COTL1: variants seen among roughly 807,000 people sequenced by gnomAD.
The protein encoded by COTL1 is coactosin-like protein.
A neutral mutation model predicts 16.5 loss-of-function variants in COTL1; 15 were observed. The ratio of observed to expected loss-of-function variants is 0.91; its 90% CI spans 0.61 to 1.40. The LOEUF (loss-of-function observed/expected upper bound fraction) is 1.40, where lower values mean the gene tolerates loss of function less well. COTL1 is among the 40% of genes most tolerant of loss of function. COTL1 has a pLI of 0.00. For missense variants in COTL1, 220 were observed against 201.5 expected, an observed-to-expected ratio of 1.09 and a Z score of -0.56; for synonymous variants, 112 against 85.3, an observed-to-expected ratio of 1.31 and a Z score of -1.73.
chr16:84,617,814 T>G, intron 1 of COTL1, 24 bp downstream of exon 1: 1 of 1,560,136 alleles, frequency 6.4e-7, no homozygotes, highest in Admixed American at 1.9e-5. Flanking sequence ...GAGCGGGGCG[T>G]GGAGACGAAT....
At chr16:84,593,415 C>T (rs1904919232) in intron 2 of COTL1, among the ~76,000 whole-genome samples, 1 of 152,178 alleles carries the variant, frequency 6.6e-6, no homozygotes, top group South Asian at 2.1e-4. Context: ...GGGGACTGTG[C>T]CTGAATTCCC....
Position 84,583,482 on chromosome 16 carries a change from G to C in COTL1, c.318+6623C>G, listed in dbSNP as rs547648357. ...TATTTATTTACTTATTTTTGAGACA[G>C]GGTTTTCCTCTGTCACCCAGGCTGG... On this transcript the variant is annotated intron_variant, in intron 3 of 3. Transcript: ENST00000262428. 4.6e-5 allele frequency among the ~76,000 whole-genome samples: 7 copies of C among 152,284 alleles called. No homozygotes were observed. The East Asian group carries it at 1.4e-3, about 29-fold the overall frequency.
At chr16:84,573,890 C>A (rs889884605) in intron 3 of COTL1, among the ~76,000 whole-genome samples, 1 of 152,008 alleles carries the variant, frequency 6.6e-6, no homozygotes, top group African/African-American at 2.4e-5. Flanking sequence ...CGCTGTGGCT[C>A]ACGCCGGTAA....
intron 3 of COTL1, among the ~76,000 whole-genome samples, chr16:84,578,068 C>A (rs1004407032): frequency 2.6e-5 from 4 of 152,158 alleles, no homozygotes; most frequent in Non-Finnish European, 5.9e-5. Flanking sequence ...CAGGAGACAT[C>A]ACAAATTAAT....
intron 2 of COTL1, among the ~76,000 whole-genome samples, chr16:84,591,288 A>G (rs2150688231): frequency 6.7e-6 from 1 of 150,176 alleles, no homozygotes; most frequent in East Asian, 2.0e-4. Context: ...GGTTCACACC[A>G]TTCTCCTGCC....
chr16:84,611,083 C>T (rs151275708), intron 2 of COTL1, among the ~76,000 whole-genome samples: 1 of 152,336 alleles, frequency 6.6e-6, no homozygotes, highest in Non-Finnish European at 1.5e-5. Context: ...TACATGCAAT[C>T]ATTATCCCCA....
At chr16:84,568,700 C>T (rs1161449503) in intron 3 of COTL1, 1 of 152,168 alleles carries the variant, frequency 6.6e-6, no homozygotes, top group African/African-American at 2.4e-5. Flanking sequence ...AATGGGTGCA[C>T]AACTCCACAA....
chr16:84,602,553 G>C lies in COTL1; in HGVS notation c.161-12291C>G, dbSNP rs141946109. 1.4e-4 allele frequency among the ~76,000 whole-genome samples: 21 copies of C among 151,904 alleles called. No individual in the cohort carries two copies. In the East Asian group the frequency reaches 4.1e-3, roughly 30 times the overall value. On this transcript the variant is annotated intron_variant, in intron 2 of 3. Coordinates refer to ENST00000262428, the MANE Select transcript of COTL1 (RefSeq NM_021149.5). ...AACTGATTTGTTTTGACAAATTTGT[G>C]GTTTAATAAAAGCACATGTGGCCAG...
chr16:84,616,477 T>G (rs1458985627), intron 2 of COTL1: 1 of 151,214 alleles, frequency 6.6e-6, no homozygotes, highest in Non-Finnish European at 1.5e-5. Flanking sequence ...CACTCCAGCC[T>G]GGGCAAAAGA....
intron 3 of COTL1, among the ~76,000 whole-genome samples, chr16:84,571,830 C>T (rs575453223): frequency 3.3e-5 from 5 of 152,304 alleles, no homozygotes; most frequent in Admixed American, 6.5e-5. Flanking sequence ...GAGTGGACAC[C>T]GAGCCGCTCC....
chr16:84,599,692 G>A (rs926662551), intron 2 of COTL1, among the ~76,000 whole-genome samples: 1 of 152,212 alleles, frequency 6.6e-6, no homozygotes, highest in Non-Finnish European at 1.5e-5. Flanking sequence ...AGAGCGGCAA[G>A]ATTGCAGCTC....
intron 2 of COTL1, among the ~76,000 whole-genome samples, chr16:84,612,620 T>C (rs1208083868): frequency 2.0e-5 from 3 of 152,044 alleles, no homozygotes; most frequent in Admixed American, 6.6e-5. Flanking sequence ...CCGTCTCTAC[T>C]AAAAATACAA....
At chr16:84,608,450 G>C (rs1259970932) in intron 2 of COTL1, among the ~76,000 whole-genome samples, 2 of 152,156 alleles carry the variant, frequency 1.3e-5, no homozygotes, top group South Asian at 2.1e-4. Flanking sequence ...GACTGAAAGA[G>C]CTACCACAAA....
At chr16:84,591,747 C>T (rs1172589818) in intron 2 of COTL1, among the ~76,000 whole-genome samples, 1 of 149,572 alleles carries the variant, frequency 6.7e-6, no homozygotes, top group African/African-American at 2.5e-5. Context: ...CACTTGAGCC[C>T]AGGAGGTTGA....
intron 2 of COTL1, among the ~76,000 whole-genome samples, chr16:84,607,991 C>A (rs531386230): frequency 5.9e-4 from 90 of 152,156 alleles, no homozygotes; most frequent in Non-Finnish European, 1.2e-3. Flanking sequence ...AGTCTAGCCA[C>A]GCAGAAGCAG....
chr16:84,578,877 G>A (rs956736454), intron 3 of COTL1, among the ~76,000 whole-genome samples: 1 of 151,138 alleles, frequency 6.6e-6, no homozygotes, highest in East Asian at 1.9e-4. Context: ...ATGCAGGCAT[G>A]CATACACACA....
At chr16:84,614,660 C>G (rs1254868389) in intron 2 of COTL1, among the ~76,000 whole-genome samples, 1 of 152,110 alleles carries the variant, frequency 6.6e-6, no homozygotes, top group East Asian at 1.9e-4. Context: ...CTGTTTCTGG[C>G]CTTCCAAGTC....
rs1036451669 is a variant in COTL1, at chr16:84,614,544, G to A, written c.160+2957C>T. On this transcript the variant is annotated intron_variant, in intron 2 of 3. Transcript: ENST00000262428. ...GCCTGAGGTGGGAGGGCCAGGGAAG[G>A]GGGTGTTTCAGAGAGAATGCCTGAG... Among the ~76,000 whole-genome samples the A allele has an allele frequency of 6.6e-5, 10 of 152,120 alleles. No individual in the cohort carries two copies. The South Asian group carries it at 1.9e-3, about 28-fold the overall frequency.
At chr16:84,567,056 C>G in intron 3 of COTL1, 101 bp from the exon 4 acceptor site, 1 of 776,238 alleles carries the variant, frequency 1.3e-6, no homozygotes, top group East Asian at 2.5e-5. Flanking sequence ...ACTGAAAACC[C>G]TGATGAGAGA....
Sources: allele counts gnomAD v4.1 joint callset (sites outside exome capture counted in the v4.1 genomes callset), GRCh38; gene constraint gnomAD v4.1.1; transcripts MANE v1.5; gene names NCBI Gene and HGNC (gene_info 2026-07-23, HGNC 2026-07-21).